The following KCNN2 variants were observed in gnomAD, a reference collection of about 807,000 sequenced individuals.
The protein encoded by KCNN2 is small conductance calcium-activated potassium channel protein 2.
Under a neutral mutation model 55.5 loss-of-function variants are expected in KCNN2, and 24 were observed. The ratio of observed to expected loss-of-function variants is 0.43; its 90% CI spans 0.31 to 0.61. KCNN2 has a LOEUF of 0.61. Among genes scored for constraint, KCNN2 ranks in the 20% least tolerant of loss-of-function variants. The pLI is 0.08. For synonymous variants in KCNN2, 431 were observed against 336.1 expected, an observed-to-expected ratio of 1.28 and a Z score of -3.09; for missense variants, 754 against 853.6, an observed-to-expected ratio of 0.88 and a Z score of 1.45.
intron 2 of KCNN2, among the ~76,000 whole-genome samples, chr5:114,332,936 T>G (rs1191555091): frequency 1.3e-5 from 2 of 152,214 alleles, no homozygotes; most frequent in African/African-American, 4.8e-5. Context: ...CAGATTCACC[T>G]AATTCCTCCT....
intron 2 of KCNN2, among the ~76,000 whole-genome samples, chr5:114,281,818 T>C (rs555968582): frequency 2.8e-4 from 42 of 152,206 alleles, no homozygotes; most frequent in Admixed American, 1.1e-3. Context: ...TTAAAGTAAC[T>C]GGATCTGGTG....
Position 114,137,424 on chromosome 5 carries a change from CA to C in KCNN2, c.-271+80925del, listed in dbSNP as rs751204441. ...TACTTAGTCCTTCATGCACACATCA[CA>C]GGGGGAGGATATCATAGTCACTTGA... On this transcript the variant is annotated intron_variant, in intron 1 of 10. Transcript: ENST00000512097. Among the ~76,000 whole-genome samples the C allele has an allele frequency of 3.9e-4, 60 of 152,220 alleles. No homozygotes were observed. In the Middle Eastern group the frequency reaches 0.01, roughly 26 times the overall value.
intron 2 of KCNN2, among the ~76,000 whole-genome samples, chr5:114,290,495 T>G (rs1251062710): frequency 6.6e-6 from 1 of 152,162 alleles, no homozygotes; most frequent in Non-Finnish European, 1.5e-5. Context: ...TTTTTCTTAG[T>G]CTAGCTAAAG....
intron 2 of KCNN2, among the ~76,000 whole-genome samples, chr5:114,231,225 G>GTT (rs1285953025): frequency 8.6e-5 from 5 of 57,916 alleles, no homozygotes; most frequent in Non-Finnish European, 1.7e-4. Flanking sequence ...TTTCTCCCAT[G>GTT]TTGTAGGTTG....
intron 3 of KCNN2, among the ~76,000 whole-genome samples, chr5:114,440,544 TAACAA>T (rs1481477719): frequency 6.6e-6 from 1 of 151,920 alleles, no homozygotes; most frequent in East Asian, 1.9e-4. Context: ...GGTCTACAAA[TAACAA>T]AACAACACCA....
chr5:114,119,478 A>G (rs1267106462), intron 1 of KCNN2, among the ~76,000 whole-genome samples: 2 of 152,222 alleles, frequency 1.3e-5, no homozygotes, highest in Non-Finnish European at 2.9e-5. Context: ...TGTCCTCAGC[A>G]TATCTAGCCA....
chr5:114,255,082 G>A (rs745317736), intron 2 of KCNN2, among the ~76,000 whole-genome samples: 1 of 152,192 alleles, frequency 6.6e-6, no homozygotes, highest in African/African-American at 2.4e-5. Context: ...TATTTATGCA[G>A]AGAAAAGATG....
chr5:114,086,035 G>A (rs1234537796), intron 1 of KCNN2, among the ~76,000 whole-genome samples: 2 of 152,028 alleles, frequency 1.3e-5, no homozygotes, highest in African/African-American at 4.8e-5. Flanking sequence ...TCTGATATTA[G>A]TATAGCAACT....
upstream of KCNN2, among the ~76,000 whole-genome samples, chr5:114,358,712 TATAA>T (rs1213606501): frequency 6.6e-6 from 1 of 152,188 alleles, no homozygotes; most frequent in African/African-American, 2.4e-5. Context: ...TACTCACAAA[TATAA>T]ATAAGTATCT....
upstream of KCNN2, among the ~76,000 whole-genome samples, chr5:114,358,650 CTT>C (rs5870604): frequency 4.6e-5 from 7 of 151,300 alleles, no homozygotes; most frequent in Non-Finnish European, 7.4e-5. Flanking sequence ...TGATCTGCGT[CTT>C]TTTTTTTCCC....
chr5:114,382,482 T>G (rs1006089658), intron 2 of KCNN2, among the ~76,000 whole-genome samples: 1 of 152,234 alleles, frequency 6.6e-6, no homozygotes, highest in Non-Finnish European at 1.5e-5. Flanking sequence ...TACTCTCTAG[T>G]CTCGTGTTTA....
At chr5:114,432,150 A>G (rs1759817645) in intron 3 of KCNN2, among the ~76,000 whole-genome samples, 1 of 152,252 alleles carries the variant, frequency 6.6e-6, no homozygotes, top group Non-Finnish European at 1.5e-5. Context: ...TGGATCTATG[A>G]ATTACTAACA....
chr5:114,238,127 C>T (rs1754542301), intron 2 of KCNN2, among the ~76,000 whole-genome samples: 1 of 152,184 alleles, frequency 6.6e-6, no homozygotes, highest in Non-Finnish European at 1.5e-5. Context: ...ACATAATTCA[C>T]ATGCAGAAGG....
At chr5:114,193,852 C>A (rs1391799810) in intron 1 of KCNN2, among the ~76,000 whole-genome samples, 1 of 152,012 alleles carries the variant, frequency 6.6e-6, no homozygotes, top group African/African-American at 2.4e-5. Context: ...TTTTTATTTT[C>A]TTTTAAAAAT....
intron 2 of KCNN2, among the ~76,000 whole-genome samples, chr5:114,231,496 T>A (rs771109454): frequency 1.3e-5 from 2 of 150,850 alleles, no homozygotes; most frequent in Admixed American, 6.6e-5. Flanking sequence ...TTCAGCTTTC[T>A]ACATATGGCT....
At chr5:114,373,623 G>A (rs1757830168) in intron 2 of KCNN2, among the ~76,000 whole-genome samples, 1 of 69,876 alleles carries the variant, frequency 1.4e-5, no homozygotes, top group Non-Finnish European at 3.1e-5. Context: ...CTCTCTCATG[G>A]TGTTGTTATG....
upstream of KCNN2, chr5:114,361,135 T>C (rs1277219460): frequency 6.6e-6 from 1 of 152,200 alleles, no homozygotes; most frequent in Non-Finnish European, 1.5e-5. Flanking sequence ...CCTCATGTTC[T>C]GGAGAAGGCG....
chr5:114,289,712 T>C (rs541264056), intron 2 of KCNN2, among the ~76,000 whole-genome samples: 1 of 152,176 alleles, frequency 6.6e-6, no homozygotes, highest in Non-Finnish European at 1.5e-5. Flanking sequence ...AAAGGACTGA[T>C]GAAATTTTGA....
At chr5:114,112,126 C>G (rs779521816) in intron 1 of KCNN2, among the ~76,000 whole-genome samples, 1 of 152,112 alleles carries the variant, frequency 6.6e-6, no homozygotes. Context: ...GGCACATATA[C>G]AACATGGAAT....
Sources: allele counts gnomAD v4.1 joint callset (sites outside exome capture counted in the v4.1 genomes callset), GRCh38; gene constraint gnomAD v4.1.1; transcripts MANE v1.5; gene names NCBI Gene and HGNC (gene_info 2026-07-23, HGNC 2026-07-21).